Variants in DENND1A observed in about 807,000 individuals in gnomAD.
DENND1A encodes DENN domain-containing protein 1A.
DENND1A carries 51 observed loss-of-function variants against 113.7 expected under a neutral mutation model. The ratio of observed to expected loss-of-function variants is 0.45; its 90% CI spans 0.36 to 0.57. The LOEUF (loss-of-function observed/expected upper bound fraction) is 0.57, where lower values mean the gene tolerates loss of function less well. Ranked by LOEUF, DENND1A falls within the 20% of genes least tolerant of loss-of-function variation. The pLI, the probability that DENND1A is intolerant of heterozygous loss-of-function variation, is 0.00. For synonymous variants in DENND1A, 565 were observed against 570.8 expected (o/e 0.99, Z 0.14); for missense variants, 1,258 against 1,395.9 (o/e 0.90, Z 1.57).
At chr9:123,782,024 C>T (rs1831393005) in intron 3 of DENND1A, among the ~76,000 whole-genome samples, 1 of 151,938 alleles carries the variant, frequency 6.6e-6, no homozygotes, top group East Asian at 1.9e-4. Flanking sequence ...GAGCCAAGAT[C>T]ACACCACTGT....
chr9:123,818,440 C>T (rs866826445), intron 2 of DENND1A, among the ~76,000 whole-genome samples: 13 of 150,652 alleles, frequency 8.6e-5, no homozygotes, highest in Middle Eastern at 3.4e-3. Context: ...ATCCCTTATC[C>T]GAAACACTTG....
intron 13 of DENND1A, among the ~76,000 whole-genome samples, chr9:123,542,468 C>T (rs1452030862): frequency 6.6e-6 from 1 of 152,098 alleles, no homozygotes; most frequent in African/African-American, 2.4e-5. Flanking sequence ...CACCAAATAG[C>T]CTTATTCTCT....
chr9:123,725,873 C>A (rs922344587), intron 5 of DENND1A, among the ~76,000 whole-genome samples: 1 of 152,342 alleles, frequency 6.6e-6, no homozygotes, highest in African/African-American at 2.4e-5. Flanking sequence ...GAAATACCTA[C>A]GTGGCCCCTT....
chr9:123,879,092 T>C, intron 1 of DENND1A, 71 bp from the exon 2 acceptor site: 1 of 1,458,706 alleles, frequency 6.9e-7, no homozygotes, highest in African/African-American at 1.4e-5. Flanking sequence ...TGGGCTATGG[T>C]ATTAAACAGA....
At chr9:123,885,084 G>C (rs1848862669) in intron 1 of DENND1A, among the ~76,000 whole-genome samples, 1 of 151,342 alleles carries the variant, frequency 6.6e-6, no homozygotes, top group African/African-American at 2.4e-5. Flanking sequence ...GCCTAGACTG[G>C]GTTAAGTGCC....
chr9:123,429,157 A>G (rs1291875239), intron 19 of DENND1A, among the ~76,000 whole-genome samples: 1 of 152,252 alleles, frequency 6.6e-6, no homozygotes, highest in Non-Finnish European at 1.5e-5. Flanking sequence ...AGGCTACAGT[A>G]ACCAAAACAG....
intron 10 of DENND1A, 52 bp from the exon 11 acceptor site, chr9:123,609,533 C>T (rs766109333): frequency 1.3e-6 from 2 of 1,581,130 alleles, no homozygotes; most frequent in Admixed American, 1.7e-5. Flanking sequence ...TTGCTTCTGA[C>T]AGAAAATTAC....
At chr9:123,810,393 A>C (rs929150045) in intron 2 of DENND1A, among the ~76,000 whole-genome samples, 1 of 152,028 alleles carries the variant, frequency 6.6e-6, no homozygotes, top group Non-Finnish European at 1.5e-5. Flanking sequence ...TGGGGAAGGC[A>C]GGTACACAAA....
chr9:123,843,306 G>A, intron 2 of DENND1A: 1 of 388,754 alleles, frequency 2.6e-6, no homozygotes, highest in Non-Finnish European at 5.1e-6. Context: ...CTTTTGTCCT[G>A]TTTCTCCTTC....
intron 2 of DENND1A, among the ~76,000 whole-genome samples, chr9:123,852,159 G>A (rs922578140): frequency 6.6e-6 from 1 of 152,164 alleles, no homozygotes; most frequent in Non-Finnish European, 1.5e-5. Context: ...TGGTAGGGAC[G>A]GGGAACAGTT....
At chr9:123,631,587 C>G (rs959482954) in intron 9 of DENND1A, among the ~76,000 whole-genome samples, 3 of 152,130 alleles carry the variant, frequency 2.0e-5, no homozygotes, top group Non-Finnish European at 4.4e-5. Context: ...CAAGAAAGTC[C>G]TCCAAATTTT....
chr9:123,422,782 G>A lies in DENND1A; in HGVS notation c.1489-10953C>T, dbSNP rs934569703. On this transcript the variant is annotated intron_variant, in intron 19 of 23. Transcript: ENST00000394215. The surrounding 1 kb of genome is among the most constrained non-coding windows in gnomAD (Gnocchi z 4.8). ...GACAGGACTGACATTTTGTACTGCT[G>A]TGAGATGGGAAAACGTGTGACATTT... Among the ~76,000 whole-genome samples, 2 of 152,208 alleles carry A rather than the reference G, an allele frequency of 1.3e-5. No homozygotes were observed. Among genetic ancestry groups the A allele is most frequent in the African/African-American group, 4.8e-5 (2 of 41,444 alleles).
At chr9:123,731,133 C>A (rs554733067) in intron 5 of DENND1A, among the ~76,000 whole-genome samples, 7 of 152,200 alleles carry the variant, frequency 4.6e-5, no homozygotes, top group Non-Finnish European at 1.0e-4. Flanking sequence ...GGAGGAATAG[C>A]ATTAGGAGAA....
At chr9:123,672,130 C>T (rs1332473872) in intron 6 of DENND1A, among the ~76,000 whole-genome samples, 2 of 152,196 alleles carry the variant, frequency 1.3e-5, no homozygotes, top group Non-Finnish European at 2.9e-5. Context: ...AAAGGTGAAG[C>T]AACTTGTCTC....
chr9:123,728,777 T>C (rs991015073), intron 5 of DENND1A, among the ~76,000 whole-genome samples: 3 of 152,178 alleles, frequency 2.0e-5, no homozygotes, highest in African/African-American at 7.2e-5. Flanking sequence ...TACATCAGCA[T>C]AATCCTGATA....
intron 23 of DENND1A, 56 bp downstream of exon 23, chr9:123,383,599 C>A: frequency 3.8e-6 from 6 of 1,570,342 alleles, no homozygotes; most frequent in Non-Finnish European, 5.2e-6. Flanking sequence ...GGGATCCCAC[C>A]TCGTGTGCGG....
chr9:123,386,021 G>A (rs948646568), intron 22 of DENND1A, among the ~76,000 whole-genome samples: 6 of 152,162 alleles, frequency 3.9e-5, no homozygotes, highest in African/African-American at 7.2e-5. Flanking sequence ...CTAAGGAAGC[G>A]AGCCCTCGCC....
intron 9 of DENND1A, among the ~76,000 whole-genome samples, chr9:123,650,119 T>C (rs2062563831): frequency 6.6e-6 from 1 of 152,198 alleles, no homozygotes; most frequent in Admixed American, 6.5e-5. Context: ...GAGGTGATGA[T>C]AGATGTGGTT....
At chr9:123,427,205 G>A (rs1279586112) in intron 19 of DENND1A, among the ~76,000 whole-genome samples, 2 of 152,220 alleles carry the variant, frequency 1.3e-5, no homozygotes, top group African/African-American at 4.8e-5. Context: ...CTACCAGATG[G>A]ATTCTGTCCA....
Sources: allele counts gnomAD v4.1 joint callset (sites outside exome capture counted in the v4.1 genomes callset), GRCh38; gene constraint gnomAD v4.1.1; non-coding constraint Gnocchi (gnomAD v3.1); transcripts MANE v1.5; gene names NCBI Gene and HGNC (gene_info 2026-07-23, HGNC 2026-07-21).